Variants in LRRIQ3 observed in about 807,000 individuals in gnomAD.
The protein encoded by LRRIQ3 is leucine-rich repeat and IQ domain-containing protein 3.
Under a neutral mutation model 59.3 loss-of-function variants are expected in LRRIQ3, and 75 were observed. The ratio of observed to expected loss-of-function variants is 1.26; its 90% CI spans 1.05 to 1.53. The LOEUF (loss-of-function observed/expected upper bound fraction) is 1.53. Among genes scored for constraint, LRRIQ3 ranks in the 40% most tolerant of loss-of-function variants. The pLI is 0.00. For synonymous variants in LRRIQ3, 250 were observed against 231.3 expected (o/e 1.08, Z -0.73); for missense variants, 831 against 710.0 (o/e 1.17, Z -1.94).
At chr1:74,090,289 T>G (rs1244355842) in intron 5 of LRRIQ3, among the ~76,000 whole-genome samples, 1 of 151,008 alleles carries the variant, frequency 6.6e-6, no homozygotes, top group Admixed American at 6.7e-5. Context: ...GGATTCAAGA[T>G]AGACTAGTCA....
intron 5 of LRRIQ3, among the ~76,000 whole-genome samples, chr1:74,097,207 A>C (rs916609476): frequency 1.3e-5 from 2 of 152,150 alleles, no homozygotes; most frequent in African/African-American, 4.8e-5. Context: ...AGTGTAGAGA[A>C]GTCCTTAAAT....
chr1:74,173,058 T>G (rs141030634), intron 3 of LRRIQ3, among the ~76,000 whole-genome samples: 47 of 152,198 alleles, frequency 3.1e-4, no homozygotes, highest in African/African-American at 1.1e-3. Context: ...TCCCAGCACT[T>G]TGGGAGGCCG....
chr1:74,094,207 T>C (rs891943792), intron 5 of LRRIQ3, among the ~76,000 whole-genome samples: 2 of 151,968 alleles, frequency 1.3e-5, no homozygotes, highest in African/African-American at 2.4e-5. Flanking sequence ...AGAGTCCCCA[T>C]CTCCAAATAT....
chr1:74,083,945 TTA>T, intron 5 of LRRIQ3: 1 of 390,260 alleles, frequency 2.6e-6, no homozygotes, highest in East Asian at 3.9e-5. Context: ...GTTAGCTTTC[TTA>T]TATGAGGAAG....
At chr1:74,098,898 T>C (rs1570109570) in intron 5 of LRRIQ3, among the ~76,000 whole-genome samples, 5 of 152,194 alleles carry the variant, frequency 3.3e-5, no homozygotes, top group Admixed American at 2.0e-4. Flanking sequence ...GGGACACATT[T>C]AAAGCAGTGT....
intron 4 of LRRIQ3, among the ~76,000 whole-genome samples, chr1:74,131,058 C>T (rs929961508): frequency 1.3e-5 from 2 of 151,806 alleles, no homozygotes; most frequent in African/African-American, 4.8e-5. Context: ...ATATTACCAC[C>T]ACAGAAATAC....
chr1:74,100,709 A>T (rs1425678637), intron 5 of LRRIQ3, among the ~76,000 whole-genome samples: 1 of 152,198 alleles, frequency 6.6e-6, no homozygotes, highest in Non-Finnish European at 1.5e-5. Flanking sequence ...ACCAAAACAG[A>T]GTTATAAGCC....
rs1229330588 is a variant in LRRIQ3, at chr1:74,074,761, A to AT, written c.896dup (p.Asn299LysfsTer4). 5.0e-6 allele frequency: 7 copies of AT among 1,404,702 alleles called. No individual in the cohort carries two copies. Among genetic ancestry groups the AT allele is most frequent in the Middle Eastern group, 3.7e-4 (2 of 5,430 alleles). 87.0% of individuals were successfully genotyped at this position (1,404,702 alleles called of 1,614,324 possible). A position where few individuals can be genotyped will look rare whatever the true frequency, so the allele number is the denominator to read the frequency against. ...ACACATGTTTTCTGTGTTCACTGGA[A>AT]TTTTTTAAATCAACAGGATAATATA... On this transcript the variant is annotated frameshift_variant, in exon 6 of 8. Transcript: ENST00000354431. LOFTEE classifies it high-confidence loss of function.
At chr1:74,102,966 T>C (rs1646556036) in intron 5 of LRRIQ3, among the ~76,000 whole-genome samples, 1 of 151,980 alleles carries the variant, frequency 6.6e-6, no homozygotes, top group Non-Finnish European at 1.5e-5. Flanking sequence ...GCCATCAATA[T>C]TGCTTCCTTG....
intron 6 of LRRIQ3, among the ~76,000 whole-genome samples, chr1:74,058,314 A>ATCAATAGATG (rs1654598790): frequency 6.6e-6 from 1 of 152,106 alleles, no homozygotes; most frequent in Non-Finnish European, 1.5e-5. Context: ...GAAATGGAAT[A>ATCAATAGATG]AACCTTTGTT....
intron 5 of LRRIQ3, chr1:74,108,804 T>A (rs866036976): frequency 1.0e-5 from 3 of 298,426 alleles, no homozygotes; most frequent in Non-Finnish European, 2.0e-5. Context: ...ATCCTACCTA[T>A]TAATTATGTA....
chr1:74,182,651 G>C lies in LRRIQ3; in HGVS notation c.460C>G (p.Leu154Val). 1.2e-6 allele frequency: 2 copies of C among 1,611,622 alleles called. No homozygotes were observed. Among genetic ancestry groups the C allele is most frequent in the Non-Finnish European group, 1.7e-6 (2 of 1,178,440 alleles). The part of the protein sequence containing the change: ...LVNSIWPLKA[L>V]DHHVISDEEI... ...TCATCAGAAATCACATGATGATCCAGCGCTTTGAGAGGCCATATACTGTTA... is the reference window on the plus strand; with the variant it reads ...TCATCAGAAATCACATGATGATCCACCGCTTTGAGAGGCCATATACTGTTA... Residue 154 changes from leucine (L) to valine (V), a missense_variant, in exon 3 of 8, where the codon CTG becomes GTG. By Grantham distance (32) the Leu-to-Val change is conservative. Coordinates refer to ENST00000354431, the MANE Select transcript of LRRIQ3 (RefSeq NM_001105659.2).
At chr1:74,153,082 C>T (rs1465177684) in intron 4 of LRRIQ3, among the ~76,000 whole-genome samples, 1 of 151,992 alleles carries the variant, frequency 6.6e-6, no homozygotes, top group Non-Finnish European at 1.5e-5. Flanking sequence ...ATTTTGTTTC[C>T]TATATTTTTT....
At chr1:74,032,779 A>G (rs1183898459) in intron 7 of LRRIQ3, among the ~76,000 whole-genome samples, 1 of 152,002 alleles carries the variant, frequency 6.6e-6, no homozygotes, top group African/African-American at 2.4e-5. Flanking sequence ...CAAGGAGGGC[A>G]TGGTATCTAT....
At chr1:74,178,179 GT>G (rs1649760197) in intron 3 of LRRIQ3, among the ~76,000 whole-genome samples, 1 of 151,654 alleles carries the variant, frequency 6.6e-6, no homozygotes, top group Admixed American at 6.6e-5. Flanking sequence ...CATTACTTTG[GT>G]TTTTGGAATC....
intron 5 of LRRIQ3, among the ~76,000 whole-genome samples, chr1:74,106,659 T>C (rs1646618529): frequency 6.6e-6 from 1 of 151,922 alleles, no homozygotes; most frequent in Admixed American, 6.6e-5. Context: ...TTGCTATTAC[T>C]CCCTGAACAT....
intron 5 of LRRIQ3, among the ~76,000 whole-genome samples, chr1:74,081,427 G>T (rs1033701897): frequency 6.6e-6 from 1 of 151,604 alleles, no homozygotes; most frequent in African/African-American, 2.4e-5. Flanking sequence ...GTAAATTAAT[G>T]ATGCCTACTC....
chr1:74,115,685 A>G (rs778620894), intron 4 of LRRIQ3, among the ~76,000 whole-genome samples: 1 of 152,126 alleles, frequency 6.6e-6, no homozygotes, highest in Non-Finnish European at 1.5e-5. Context: ...CTTTCATGAA[A>G]TAACTCAGAT....
chr1:74,081,152 C>T (rs1259542455), intron 5 of LRRIQ3, among the ~76,000 whole-genome samples: 1 of 151,468 alleles, frequency 6.6e-6, no homozygotes, highest in African/African-American at 2.4e-5. Flanking sequence ...AGTGATAATA[C>T]CCTTGATACG....
Sources: gnomAD v4.1 joint callset for allele counts (sites outside exome capture counted in the v4.1 genomes callset) on GRCh38, gnomAD v4.1.1 for gene constraint, MANE v1.5 for transcripts, NCBI Gene and HGNC (gene_info 2026-07-23, HGNC 2026-07-21) for gene names.